DCLK1: variants seen among roughly 807,000 people sequenced by gnomAD.
The protein encoded by DCLK1 is doublecortin like kinase 1, also known as serine/threonine-protein kinase DCLK1.
A neutral mutation model predicts 86.2 loss-of-function variants in DCLK1; 16 were observed. The ratio of observed to expected loss-of-function variants is 0.19; its 90% confidence interval spans 0.13 to 0.28. DCLK1 has a LOEUF of 0.28. DCLK1 is among the 10% of genes least tolerant of loss of function. The pLI is 1.00. For missense variants in DCLK1, 590 were observed against 940.2 expected (o/e 0.63, Z 4.87); for synonymous variants, 369 against 370.5 (o/e 1.00, Z 0.05).
At chr13:35,925,472 TTAGC>T (rs1876062703) in intron 4 of DCLK1, among the ~76,000 whole-genome samples, 1 of 152,236 alleles carries the variant, frequency 6.6e-6, no homozygotes, top group South Asian at 2.1e-4. Flanking sequence ...ATGCCATATA[TTAGC>T]TAGCCTAGGA....
chr13:35,917,145 A>G (rs1875465632), intron 4 of DCLK1, among the ~76,000 whole-genome samples: 1 of 152,170 alleles, frequency 6.6e-6, no homozygotes, highest in African/African-American at 2.4e-5. Flanking sequence ...CAAATCTAGC[A>G]CAAAAACACA....
chr13:35,866,136 C>T (rs989891622), intron 5 of DCLK1, among the ~76,000 whole-genome samples: 3 of 152,180 alleles, frequency 2.0e-5, no homozygotes, highest in African/African-American at 7.2e-5. Context: ...TATCCCAGCC[C>T]TGCCTCTGTG....
intron 3 of DCLK1, among the ~76,000 whole-genome samples, chr13:36,106,039 A>G (rs1885382490): frequency 6.6e-6 from 1 of 152,210 alleles, no homozygotes; most frequent in African/African-American, 2.4e-5. Flanking sequence ...TAGAAAACCT[A>G]TCTTCAGTAC....
chr13:35,958,678 G>C (rs1332703432), intron 3 of DCLK1, among the ~76,000 whole-genome samples: 2 of 152,194 alleles, frequency 1.3e-5, no homozygotes, highest in Non-Finnish European at 2.9e-5. Context: ...TGAGTGTTCT[G>C]TGCAGCATAT....
chr13:36,082,416 C>G (rs1366249908), intron 3 of DCLK1, among the ~76,000 whole-genome samples: 1 of 152,140 alleles, frequency 6.6e-6, no homozygotes, highest in East Asian at 1.9e-4. Flanking sequence ...GGCTTCTGGT[C>G]AACAGTAGGC....
intron 5 of DCLK1, among the ~76,000 whole-genome samples, chr13:35,861,648 C>G (rs1051115610): frequency 6.6e-6 from 1 of 152,128 alleles, no homozygotes; most frequent in Non-Finnish European, 1.5e-5. Flanking sequence ...TCTGCCCCGT[C>G]CTTCATCTCA....
chr13:35,841,669 T>C (rs935221639), intron 6 of DCLK1, among the ~76,000 whole-genome samples: 5 of 152,286 alleles, frequency 3.3e-5, no homozygotes, highest in African/African-American at 1.2e-4. Flanking sequence ...TAACAGATGA[T>C]GGGCAGTCAA....
At chr13:36,002,069 C>G (rs1356091315) in intron 3 of DCLK1, among the ~76,000 whole-genome samples, 3 of 152,052 alleles carry the variant, frequency 2.0e-5, no homozygotes, top group African/African-American at 4.8e-5. Context: ...ACTCACAAGG[C>G]CAGGTAAAAC....
intron 3 of DCLK1, among the ~76,000 whole-genome samples, chr13:36,072,237 A>C (rs1884001516): frequency 6.6e-6 from 1 of 152,206 alleles, no homozygotes; most frequent in Admixed American, 6.5e-5. Flanking sequence ...TATCTGAGCC[A>C]TTAGCAGTGT....
rs551510870 is a variant in DCLK1, at chr13:35,772,435, C to T, written c.*2100G>A. 2 of 152,332 alleles carry T rather than the reference C, an allele frequency of 1.3e-5. No individual in the cohort carries two copies. Among genetic ancestry groups the T allele is most frequent in the Admixed American group, 1.3e-4 (2 of 15,304 alleles). 9.4% of individuals were successfully genotyped at this position (152,332 alleles called of 1,614,324 possible). A position where few individuals can be genotyped will look rare whatever the true frequency, so the allele number is the denominator to read the frequency against. On this transcript the variant is annotated 3_prime_UTR_variant, in exon 17 of 17. Coordinates refer to ENST00000360631, the MANE Select transcript of DCLK1 (RefSeq NM_001330071.2). ...TCACACTTTTAGAGTTGAGGCCAGG[C>T]TGTAGAGCTACTCCATAGCCTTGGA...
chr13:35,996,399 G>A (rs1337225845), intron 3 of DCLK1, among the ~76,000 whole-genome samples: 1 of 152,172 alleles, frequency 6.6e-6, no homozygotes, highest in Non-Finnish European at 1.5e-5. Context: ...GCTGGGCCAC[G>A]GGGCCCAGGT....
rs1878187696 is a variant in DCLK1 at position 35,958,159 on chromosome 13, C to CCACCATCAT, written c.724-10703_724-10702insATGATGGTG. ...ATAACCACCACCACCACCACTATAA[C>CCACCATCAT]CATCACCACCATCACCACTATAACC... On this transcript the variant is annotated intron_variant, in intron 3 of 16. Transcript: ENST00000360631. Among the ~76,000 whole-genome samples, 14 of 15,420 alleles carry CCACCATCAT rather than the reference C, an allele frequency of 9.1e-4. 3 individuals are homozygous for CCACCATCAT. The highest frequency in any genetic ancestry group is 1.9e-3 in the Non-Finnish European group (11 of 5,940). 10.1% of individuals were successfully genotyped at this position (15,420 alleles called of 152,430 possible). A position where few individuals can be genotyped will look rare whatever the true frequency, so the allele number is the denominator to read the frequency against.
At chr13:35,793,599 C>A in intron 15 of DCLK1, 120 bp from the exon 16 acceptor site, 2 of 677,886 alleles carry the variant, frequency 3.0e-6, no homozygotes, top group Admixed American at 3.0e-5. Context: ...CAGAAATAAA[C>A]CAACCAATGT....
At chr13:36,062,901 C>A (rs1214067014) in intron 3 of DCLK1, among the ~76,000 whole-genome samples, 1 of 152,178 alleles carries the variant, frequency 6.6e-6, no homozygotes, top group Non-Finnish European at 1.5e-5. Flanking sequence ...GGTCGATAAT[C>A]CTGACCCAAG....
chr13:35,847,717 T>G, intron 6 of DCLK1: 29 of 984,860 alleles, frequency 2.9e-5, no homozygotes, highest in Non-Finnish European at 3.5e-5. Flanking sequence ...CGGCTGGTTA[T>G]GTAGGGTATA....
At chr13:35,976,028 G>A (rs1879311175) in intron 3 of DCLK1, among the ~76,000 whole-genome samples, 1 of 152,204 alleles carries the variant, frequency 6.6e-6, no homozygotes, top group Non-Finnish European at 1.5e-5. Flanking sequence ...CAATGACACA[G>A]AGGGGAGCCA....
At chr13:35,935,566 C>A (rs1342379465) in intron 4 of DCLK1, among the ~76,000 whole-genome samples, 2 of 152,064 alleles carry the variant, frequency 1.3e-5, no homozygotes, top group African/African-American at 4.8e-5. Context: ...AAACACAGAA[C>A]AAGAAATGAA....
chr13:35,969,510 C>G (rs897554138), intron 3 of DCLK1, among the ~76,000 whole-genome samples: 1 of 152,178 alleles, frequency 6.6e-6, no homozygotes, highest in Admixed American at 6.5e-5. Context: ...ACTCTACTGA[C>G]ACCTTGATTA....
At chr13:36,108,552 C>G (rs1040994051) in intron 3 of DCLK1, among the ~76,000 whole-genome samples, 1 of 152,206 alleles carries the variant, frequency 6.6e-6, no homozygotes, top group African/African-American at 2.4e-5. Flanking sequence ...TATTAAACAG[C>G]AGGCTCCGGC....
Sources: gnomAD v4.1 joint callset for allele counts (sites outside exome capture counted in the v4.1 genomes callset) on GRCh38, gnomAD v4.1.1 for gene constraint, MANE v1.5 for transcripts, NCBI Gene and HGNC (gene_info 2026-07-23, HGNC 2026-07-21) for gene names.